The following ZPLD1 variants were observed in gnomAD, a reference collection of about 807,000 sequenced individuals.
ZPLD1 encodes the protein zona pellucida-like domain-containing protein 1.
A neutral mutation model predicts 47.2 loss-of-function variants in ZPLD1; 34 were observed. That is an observed-to-expected ratio of 0.72 (90% CI 0.55 to 0.96). The LOEUF (loss-of-function observed/expected upper bound fraction) is 0.96. Among genes scored for constraint, ZPLD1 ranks in the 40% least tolerant of loss-of-function variants. The pLI, the probability that ZPLD1 is intolerant of heterozygous loss-of-function variation, is 0.00. For synonymous variants in ZPLD1, 176 were observed against 186.2 expected (o/e 0.95, Z 0.45); for missense variants, 512 against 505.8 (o/e 1.01, Z -0.12).
At chr3:102,428,694 T>G (rs1199631925) in intron 8 of ZPLD1, among the ~76,000 whole-genome samples, 1 of 151,056 alleles carries the variant, frequency 6.6e-6, no homozygotes, top group Non-Finnish European at 1.5e-5. Flanking sequence ...ATTTGTTCAA[T>G]CTTAGGTTTA....
intron 8 of ZPLD1, among the ~76,000 whole-genome samples, chr3:102,429,422 T>C (rs957623343): frequency 6.6e-6 from 1 of 152,190 alleles, no homozygotes; most frequent in Non-Finnish European, 1.5e-5. Context: ...AAATGTTATC[T>C]GACGAGGGGG....
intron 7 of ZPLD1, among the ~76,000 whole-genome samples, chr3:102,406,888 G>A (rs1036120272): frequency 1.3e-5 from 2 of 151,844 alleles, no homozygotes; most frequent in African/African-American, 4.8e-5. Context: ...TATACAATGA[G>A]GTGGTCAGCT....
chr3:102,454,357 C>T (rs564166203), intron 4 of ZPLD1, among the ~76,000 whole-genome samples: 9 of 152,132 alleles, frequency 5.9e-5, no homozygotes, highest in Non-Finnish European at 1.2e-4. Context: ...TATTACAAGT[C>T]CCTGTTCTGT....
intron 8 of ZPLD1, among the ~76,000 whole-genome samples, chr3:102,418,517 C>G (rs994158335): frequency 2.6e-5 from 4 of 151,900 alleles, no homozygotes. Context: ...AGGACCGAGT[C>G]TTTTGGCAGT....
chr3:102,399,535 C>T (rs922147662), intron 7 of ZPLD1, among the ~76,000 whole-genome samples: 3 of 151,142 alleles, frequency 2.0e-5, no homozygotes, highest in Non-Finnish European at 1.5e-5. Flanking sequence ...TGCTAGTTCT[C>T]GGTCAGTATA....
intron 7 of ZPLD1, 119 bp downstream of exon 7, chr3:102,462,497 C>A: frequency 1.7e-6 from 1 of 597,234 alleles, no homozygotes; most frequent in Non-Finnish European, 2.9e-6. Flanking sequence ...CATTGCCACA[C>A]CATTTAGGCA....
intron 7 of ZPLD1, 68 bp downstream of exon 7, chr3:102,462,446 A>G: frequency 9.6e-7 from 1 of 1,046,084 alleles, no homozygotes. Context: ...TGAGTCATAA[A>G]GTTGGGCCAT....
At chr3:102,451,243 T>C (rs1415916880) in intron 3 of ZPLD1, among the ~76,000 whole-genome samples, 1 of 152,234 alleles carries the variant, frequency 6.6e-6, no homozygotes, top group East Asian at 1.9e-4. Flanking sequence ...ACATTTCTAC[T>C]GTTAAATTAG....
Position 102,470,434 on chromosome 3 carries a change from C to T in ZPLD1, c.974C>T (p.Thr325Met), listed in dbSNP as rs142178709. The change falls in exon 10 of 12, where the codon ACG becomes ATG. Residue 325 changes from threonine to methionine, a missense_variant. Coordinates refer to ENST00000466937, the MANE Select transcript of ZPLD1 (RefSeq NM_001329788.2). ...GAAAGGAGAGATGCTGGGAGGAGGA[C>T]GACTTGGAGCCCCCAGAGCTCTTCT... ...HRERRDAGRR[T>M]TWSPQSSSGS... is the part of the protein sequence containing the mutation. 48 of 1,613,982 alleles carry T rather than the reference C, an allele frequency of 3.0e-5. No homozygotes were observed. In the African/African-American group the frequency reaches 4.4e-4, roughly 15 times the overall value.
At chr3:102,417,370 G>A (rs1706821423) in intron 7 of ZPLD1, among the ~76,000 whole-genome samples, 1 of 151,978 alleles carries the variant, frequency 6.6e-6, no homozygotes, top group African/African-American at 2.4e-5. Flanking sequence ...AGTGTTCGCT[G>A]TGGTGCCTGT....
At position 102,387,512 on chromosome 3, in the gene ZPLD1, T is replaced by C. The variant is rs529982766; in HGVS notation, c.-213+2195T>C. ...TGTCAGAGACCACTACACTCAATCA[T>C]GGGCCCTTTTTCATACTCTTAACAA... On this transcript the variant is annotated intron_variant, in intron 6 of 17. Transcript: ENST00000491959. Among the ~76,000 whole-genome samples the C allele has an allele frequency of 3.9e-5, 6 of 152,272 alleles. No homozygotes were observed. In the South Asian group the frequency reaches 8.3e-4, roughly 21 times the overall value.
chr3:102,465,761 T>C (rs1707582416), intron 8 of ZPLD1, among the ~76,000 whole-genome samples: 1 of 152,190 alleles, frequency 6.6e-6, no homozygotes, highest in Non-Finnish European at 1.5e-5. Context: ...CAAATGTCCT[T>C]TTTTGTGAAT....
intron 3 of ZPLD1, among the ~76,000 whole-genome samples, chr3:102,442,305 C>T (rs778358014): frequency 2.9e-5 from 4 of 137,386 alleles, no homozygotes; most frequent in African/African-American, 5.6e-5. Context: ...TATTCATAAA[C>T]ACATACACCC....
At chr3:102,395,444 G>A (rs1458298195) in intron 7 of ZPLD1, among the ~76,000 whole-genome samples, 1 of 152,110 alleles carries the variant, frequency 6.6e-6, no homozygotes, top group African/African-American at 2.4e-5. Flanking sequence ...TTGGAGTTAT[G>A]TGAATGCTGG....
chr3:102,462,112 A>G (rs188058779), intron 6 of ZPLD1, among the ~76,000 whole-genome samples, 169 bp from the exon 7 acceptor site: 6 of 152,254 alleles, frequency 3.9e-5, no homozygotes, highest in Admixed American at 3.3e-4. Flanking sequence ...ATATGGCTTA[A>G]TAACAGTTCT....
chr3:102,438,429 G>T (rs757485308), intron 2 of ZPLD1, 51 bp from the exon 3 acceptor site: 7 of 1,310,126 alleles, frequency 5.3e-6, no homozygotes, highest in Non-Finnish European at 6.6e-6. Flanking sequence ...CAGTAAGTAG[G>T]AGTGAAGGAG....
chr3:102,413,279 G>A (rs2107300588), intron 7 of ZPLD1, among the ~76,000 whole-genome samples: 1 of 151,886 alleles, frequency 6.6e-6, no homozygotes, highest in East Asian at 1.9e-4. Flanking sequence ...GTTTCTGGGA[G>A]TGGGTTCACA....
At chr3:102,436,088 G>A (rs566279086) in intron 1 of ZPLD1, among the ~76,000 whole-genome samples, 2 of 152,304 alleles carry the variant, frequency 1.3e-5, no homozygotes, top group African/African-American at 4.8e-5. Flanking sequence ...AAAATGGTTA[G>A]GGTATTAATC....
At chr3:102,419,889 T>G (rs1211568975) in intron 8 of ZPLD1, among the ~76,000 whole-genome samples, 1 of 151,630 alleles carries the variant, frequency 6.6e-6, no homozygotes, top group Admixed American at 6.6e-5. Flanking sequence ...TTTTGGTTAA[T>G]TTACCAAATT....
Sources: gnomAD v4.1 joint callset for allele counts (sites outside exome capture counted in the v4.1 genomes callset) on GRCh38, gnomAD v4.1.1 for gene constraint, MANE v1.5 for transcripts, NCBI Gene and HGNC (gene_info 2026-07-23, HGNC 2026-07-21) for gene names.